The following FER variants were observed in gnomAD, a reference collection of about 807,000 sequenced individuals.
FER encodes FER tyrosine kinase.
Under a neutral mutation model 111.0 loss-of-function variants are expected in FER, and 63 were observed. The observed-to-expected ratio is 0.57, with a 90% CI of 0.46 to 0.70. The LOEUF is 0.70. Among genes scored for constraint, FER ranks in the 30% least tolerant of loss-of-function variants. The pLI, the probability that FER is intolerant of heterozygous loss-of-function variation, is 0.00. For synonymous variants in FER, 327 were observed against 313.9 expected (o/e 1.04, Z -0.44); for missense variants, 914 against 954.0 (o/e 0.96, Z 0.55).
chr5:109,050,333 C>T (rs544246963), intron 16 of FER, among the ~76,000 whole-genome samples: 2 of 152,050 alleles, frequency 1.3e-5, no homozygotes, highest in South Asian at 2.1e-4. Flanking sequence ...ATGTAAACAC[C>T]GTATTGGCCC....
chr5:109,185,759 C>G (rs569396194), intron 18 of FER, among the ~76,000 whole-genome samples: 12 of 152,160 alleles, frequency 7.9e-5, no homozygotes, highest in African/African-American at 2.9e-4. Context: ...GACTGCATGT[C>G]GAACTCATTT....
At chr5:108,756,447 C>G (rs2149916599) in intron 1 of FER, among the ~76,000 whole-genome samples, 2 of 151,928 alleles carry the variant, frequency 1.3e-5, no homozygotes, top group South Asian at 4.1e-4. Context: ...CATTCTGAAT[C>G]TACTCCAAAT....
At chr5:109,092,823 T>C (rs1361812860) in intron 16 of FER, among the ~76,000 whole-genome samples, 1 of 152,154 alleles carries the variant, frequency 6.6e-6, no homozygotes, top group Non-Finnish European at 1.5e-5. Flanking sequence ...TTCATTTCGG[T>C]GTGATTCACA....
At chr5:108,969,559 G>A (rs2149693350) in intron 13 of FER, among the ~76,000 whole-genome samples, 1 of 152,120 alleles carries the variant, frequency 6.6e-6, no homozygotes, top group Non-Finnish European at 1.5e-5. Context: ...GGTTGAAATT[G>A]AAAGCAGAGG....
At chr5:108,849,231 A>G (rs1762312455) in intron 5 of FER, among the ~76,000 whole-genome samples, 1 of 152,024 alleles carries the variant, frequency 6.6e-6, no homozygotes, top group African/African-American at 2.4e-5. Context: ...TTCTTCACAT[A>G]TATTTTCTGT....
At chr5:108,916,398 A>G (rs1752264002) in intron 10 of FER, among the ~76,000 whole-genome samples, 1 of 152,164 alleles carries the variant, frequency 6.6e-6, no homozygotes. Flanking sequence ...TTAATAAGAT[A>G]AAATGAAATG....
intron 16 of FER, among the ~76,000 whole-genome samples, chr5:109,057,395 A>G (rs1773788659): frequency 6.6e-6 from 1 of 152,248 alleles, no homozygotes; most frequent in African/African-American, 2.4e-5. Flanking sequence ...ACTTATCAGA[A>G]AAAGACTGAA....
chr5:109,119,162 C>T (rs982330257), intron 17 of FER, among the ~76,000 whole-genome samples: 2 of 152,068 alleles, frequency 1.3e-5, no homozygotes, highest in Non-Finnish European at 2.9e-5. Context: ...ATAAATTTCC[C>T]TCTACACACT....
At chr5:108,771,920 A>G (rs1284820687) in intron 2 of FER, among the ~76,000 whole-genome samples, 1 of 152,186 alleles carries the variant, frequency 6.6e-6, no homozygotes, top group Non-Finnish European at 1.5e-5. Flanking sequence ...TTTGGCTGCT[A>G]TGACAAAATA....
chr5:108,899,740 G>A (rs1001346557), intron 10 of FER, among the ~76,000 whole-genome samples: 3 of 151,436 alleles, frequency 2.0e-5, no homozygotes, highest in African/African-American at 2.4e-5. Flanking sequence ...GGAGGTGGAG[G>A]TTGCAGTGAG....
At chr5:108,993,433 C>G (rs111956056) in intron 13 of FER, among the ~76,000 whole-genome samples, 27,724 of 151,188 alleles carry the variant, frequency 0.18, 2,798 homozygotes, top group Non-Finnish European at 0.22. Flanking sequence ...CAGGCACTCG[C>G]CAGGCTGAGG....
intron 5 of FER, among the ~76,000 whole-genome samples, chr5:108,845,067 T>TATACACACAC (rs1486282738): frequency 7.4e-5 from 4 of 53,884 alleles, no homozygotes; most frequent in African/African-American, 1.5e-4. Context: ...TATATATATA[T>TATACACACAC]ACACACACAC....
intron 10 of FER, among the ~76,000 whole-genome samples, chr5:108,923,749 G>C (rs7736915): frequency 0.2 from 29,678 of 151,990 alleles, 3,324 homozygotes; most frequent in African/African-American, 0.31. Context: ...AAGTGTAGTA[G>C]GTTTTTGTGG....
chr5:109,122,998 G>A (rs76996549), intron 17 of FER, among the ~76,000 whole-genome samples: 15,950 of 151,810 alleles, frequency 0.11, 845 homozygotes, highest in Non-Finnish European at 0.12. Flanking sequence ...AGATCATTGG[G>A]TCTTTTTTTT....
At chr5:109,166,429 C>G (rs940197840) in intron 17 of FER, among the ~76,000 whole-genome samples, 1 of 152,150 alleles carries the variant, frequency 6.6e-6, no homozygotes, top group Admixed American at 6.6e-5. Flanking sequence ...GCTCTGCTCC[C>G]TCCCTGAACA....
intron 2 of FER, among the ~76,000 whole-genome samples, chr5:108,790,846 A>G (rs567993319): frequency 1.1e-4 from 16 of 152,280 alleles, no homozygotes; most frequent in Admixed American, 2.0e-4. Flanking sequence ...TCAACTAGTA[A>G]TCTAGTTTAT....
rs991988087 is a variant in FER, at chr5:109,044,752, G to C, written c.1786G>C (p.Asp596His). The change falls in exon 15 of 20, where the codon GAT (aspartate) becomes CAT (histidine). Residue 596 changes from aspartate (D) to histidine (H), a missense_variant. Asp to His is a moderately conservative substitution (Grantham distance 81). This residue lies in a region of FER where 774 missense variants were observed against 782.6 expected (regional missense o/e 0.99). Coordinates refer to ENST00000281092, the MANE Select transcript of FER (RefSeq NM_005246.4). ...TGTTGCTGTTAAAACATGTAAAGAA[G>C]ATCTTCCTCAGGAATTGAAAATAAA... Reference protein sequence around the residue: ...TSVAVKTCKEDLPQELKIKFL... With the variant: ...TSVAVKTCKEHLPQELKIKFL... 6.3e-7 allele frequency: 1 copy of C among 1,588,892 alleles called. No individual in the cohort carries two copies. Among genetic ancestry groups the C allele is most frequent in the East Asian group, 2.3e-5 (1 of 43,956 alleles).
chr5:108,750,353 G>GT (rs1468623433), intron 1 of FER, among the ~76,000 whole-genome samples: 7 of 152,052 alleles, frequency 4.6e-5, no homozygotes, highest in Admixed American at 1.3e-4. Context: ...GAAGACATTT[G>GT]TGAGTAGCTC....
chr5:108,957,491 C>A (rs7731116), intron 12 of FER, among the ~76,000 whole-genome samples: 1 of 151,318 alleles, frequency 6.6e-6, no homozygotes. Context: ...GGAACTCTTA[C>A]ACACTGTTGA....
Sources: gnomAD v4.1 joint callset for allele counts (sites outside exome capture counted in the v4.1 genomes callset) on GRCh38, gnomAD v4.1.1 for gene constraint, gnomAD v4.1.1 regional missense constraint, MANE v1.5 for transcripts, NCBI Gene and HGNC (gene_info 2026-07-23, HGNC 2026-07-21) for gene names.